The following LENG8 variants were observed in gnomAD, a reference collection of about 807,000 sequenced individuals.
The protein encoded by LENG8 is leukocyte receptor cluster (LRC) member 8.
A neutral mutation model predicts 102.1 loss-of-function variants in LENG8; 28 were observed. The ratio of observed to expected loss-of-function variants is 0.27; its 90% CI spans 0.20 to 0.38. The LOEUF is 0.38. Ranked by LOEUF, LENG8 falls within the 10% of genes least tolerant of loss-of-function variation. The probability of loss-of-function intolerance (pLI) is 1.00; values close to 1 mark genes in which losing one functional copy is unlikely to be tolerated. For missense variants in LENG8, 1,022 were observed against 1,113.9 expected (o/e 0.92, Z 1.17); for synonymous variants, 531 against 456.7 (o/e 1.16, Z -2.07).
rs1305662189 is a variant in LENG8 at position 54,461,121 on chromosome 19, C to T, written c.*193C>T. The T allele has an allele frequency of 5.8e-5, 52 of 893,880 alleles. No homozygotes were observed. Among genetic ancestry groups the T allele is most frequent in the Non-Finnish European group, 2.8e-5 (16 of 569,750 alleles). 55.4% of individuals were successfully genotyped at this position (893,880 alleles called of 1,614,324 possible). On this transcript the variant is annotated 3_prime_UTR_variant, in exon 16 of 16. Transcript: ENST00000326764. ...ATTTTTCTACGTTTTTATTTTTTGC[C>T]TCAGAGGGATGGGATTGGGGAGGAG...
At chr19:54,450,388 C>A (rs112960763) in intron 1 of LENG8, among the ~76,000 whole-genome samples, 114 of 152,298 alleles carry the variant, frequency 7.5e-4, no homozygotes, top group African/African-American at 2.5e-3. Flanking sequence ...GAACGCTCAA[C>A]GACCACTTGC....
At position 54,450,448 on chromosome 19, in the gene LENG8, C is replaced by G. The variant is rs895533264; in HGVS notation, c.-55-842C>G. On this transcript the variant is annotated intron_variant, in intron 1 of 15. Coordinates refer to ENST00000326764, the MANE Select transcript of LENG8 (RefSeq NM_052925.4). ...CCCCTTTTCCTCTCAAAATTTTCTT[C>G]TCTTCTCCAATATTCTTCCAGCCCC... is the stretch of plus-strand genomic sequence containing the variant. 4.6e-5 allele frequency among the ~76,000 whole-genome samples: 7 copies of G among 152,214 alleles called. No homozygotes were observed. The South Asian group carries it at 1.5e-3, about 32-fold the overall frequency.
chr19:54,456,562 C>A, intron 10 of LENG8, 74 bp from the exon 11 acceptor site: 1 of 1,539,872 alleles, frequency 6.5e-7, no homozygotes, highest in South Asian at 1.2e-5. Context: ...GGTGGACAGC[C>A]AGCTGCCAAA....
Position 54,456,177 on chromosome 19 carries a change from CTCT to C in LENG8, c.1242_1244del (p.Ser416del), listed in dbSNP as rs761443744. 1.9e-5 allele frequency: 30 copies of C among 1,611,236 alleles called. No homozygotes were observed. Among genetic ancestry groups the C allele is most frequent in the Non-Finnish European group, 2.4e-5 (28 of 1,178,238 alleles). The stretch of plus-strand genomic sequence containing the variant: ...GCAACGTCTTCATGAAGGACAACAG[CTCT>C]TCTTCCAGCACAGACTCCCGCTCCC... On this transcript the variant is annotated inframe_deletion, in exon 9 of 16. Transcript: ENST00000326764.
At chr19:54,455,139 A>G in intron 7 of LENG8, 47 bp downstream of exon 7, 3 of 1,611,556 alleles carry the variant, frequency 1.9e-6, no homozygotes. Context: ...CTCTGCACTC[A>G]GCGTCTATGG....
Position 54,456,802 on chromosome 19 carries a change from A to G in LENG8, c.1612A>G (p.Ser538Gly). Residue 538 changes from serine to glycine, a missense_variant, in exon 11 of 16, where the codon AGC (serine) becomes GGC (glycine). Ser to Gly is a moderately conservative substitution (Grantham distance 56). Coordinates refer to ENST00000326764, the MANE Select transcript of LENG8 (RefSeq NM_052925.4). ...PLVLQMSSLESSGADPDWQEL... is the reference protein window; with the variant it reads ...PLVLQMSSLEGSGADPDWQEL... ...GGTGCTGCAGATGAGCAGCCTGGAG[A>G]GCAGTGGGGCTGACCCTGACTGGCA... The G allele has an allele frequency of 6.2e-7, 1 of 1,611,482 alleles. No homozygotes were observed.
intron 1 of LENG8, 80 bp from the exon 2 acceptor site, chr19:54,451,210 T>C (rs577245298): frequency 1.2e-5 from 11 of 897,744 alleles, no homozygotes; most frequent in African/African-American, 1.1e-4. Flanking sequence ...TTCTCTTGAG[T>C]CCATCTACTT....
chr19:54,461,509 G>A lies in LENG8; in HGVS notation c.*581G>A. On this transcript the variant is annotated 3_prime_UTR_variant, in exon 16 of 16. Transcript: ENST00000326764. ...TGAAGTGCCAGCACCACCAGCACCA[G>A]ATCCTCCGCCGCCACACCGCACTGA... is the stretch of plus-strand genomic sequence containing the variant. 1 of 469,790 alleles carries A rather than the reference G, an allele frequency of 2.1e-6. No individual in the cohort carries two copies. The highest frequency in any genetic ancestry group is 4.4e-6 in the Non-Finnish European group (1 of 227,146). The allele number at this position is 469,790 out of a possible 1,614,324, so 29.1% of individuals were successfully genotyped here.
intron 1 of LENG8, among the ~76,000 whole-genome samples, chr19:54,450,463 C>T (rs1421818711): frequency 6.6e-6 from 1 of 152,116 alleles, no homozygotes; most frequent in Non-Finnish European, 1.5e-5. Flanking sequence ...CTCCAATATT[C>T]TTCCAGCCCC....
intron 1 of LENG8, among the ~76,000 whole-genome samples, chr19:54,450,867 G>A (rs1349772534): frequency 6.6e-6 from 1 of 152,096 alleles, no homozygotes; most frequent in Non-Finnish European, 1.5e-5. Flanking sequence ...TGACCTGCCC[G>A]CCTTGGCCTC....
At chr19:54,460,655 T>C in intron 15 of LENG8, 111 bp from the exon 16 acceptor site, 7 of 1,441,016 alleles carry the variant, frequency 4.9e-6, no homozygotes, top group East Asian at 2.5e-5. Flanking sequence ...CAGCAGGCAC[T>C]GTGCTGAGGA....
intron 13 of LENG8, 22 bp downstream of exon 13, chr19:54,458,024 T>G: frequency 1.2e-6 from 2 of 1,613,048 alleles, no homozygotes. Context: ...TCTGCGGGCC[T>G]CCCCAGCCCC....
intron 10 of LENG8, 81 bp from the exon 11 acceptor site, chr19:54,456,555 G>A: frequency 2.0e-6 from 3 of 1,538,044 alleles, no homozygotes; most frequent in Non-Finnish European, 2.6e-6. Flanking sequence ...CCGGACAGGT[G>A]GACAGCCAGC....
intron 2 of LENG8, 96 bp downstream of exon 2, chr19:54,451,478 G>GATTGTGGCATCACCTCCCCTAA: frequency 7.9e-7 from 1 of 1,265,734 alleles, no homozygotes; most frequent in Non-Finnish European, 1.2e-6. Flanking sequence ...TGGCCTTAGG[G>GATTGTGGCATCACCTCCCCTAA]GAGGTGATGC....
At position 54,454,654 on chromosome 19, in the gene LENG8, G is replaced by T. The variant is rs756774319; in HGVS notation, c.651G>T (p.Lys217Asn). The part of the protein sequence containing the change: ...HTYTEPAKPK[K>N]GQQLWNRMKP... ...ACACCGAACCTGCCAAGCCCAAGAA[G>T]GGCCAACAGCTGTGGAACCGCATGA... The change falls in exon 6 of 16, where the codon AAG becomes AAT. Residue 217 changes from lysine (K) to asparagine (N), a missense_variant. Coordinates refer to ENST00000326764, the MANE Select transcript of LENG8 (RefSeq NM_052925.4). The T allele has an allele frequency of 6.2e-7, 1 of 1,604,832 alleles. No individual in the cohort carries two copies. Among genetic ancestry groups the T allele is most frequent in the South Asian group, 1.1e-5 (1 of 90,818 alleles).
Position 54,454,551 on chromosome 19 carries a change from C to G in LENG8, c.548C>G (p.Pro183Arg), listed in dbSNP as rs143651422. Residue 183 changes from proline to arginine, a missense_variant, in exon 6 of 16, where the codon CCT (proline) becomes CGT (arginine). By Grantham distance (103) the Pro-to-Arg change is moderately radical. Coordinates refer to ENST00000326764, the MANE Select transcript of LENG8 (RefSeq NM_052925.4). ...PHGAHTLNSGPQPGTAPATQH... is the reference protein window; with the variant it reads ...PHGAHTLNSGRQPGTAPATQH... ...GGGGCTCACACGCTGAACAGTGGCC[C>G]TCAGCCTGGGACAGCTCCAGCCACA... The G allele has an allele frequency of 6.2e-7, 1 of 1,613,092 alleles. No individual in the cohort carries two copies. Among genetic ancestry groups the G allele is most frequent in the Non-Finnish European group, 8.5e-7 (1 of 1,179,802 alleles).
At chr19:54,458,980 C>T (rs2084398242) in intron 15 of LENG8, 13 of 1,461,784 alleles carry the variant, frequency 8.9e-6, no homozygotes, top group Middle Eastern at 1.8e-4. Flanking sequence ...GCACCAGAAA[C>T]GCTTAGGGAG....
At position 54,452,195 on chromosome 19, in the gene LENG8, C is replaced by T. The variant is rs1464177207; in HGVS notation, c.141C>T (p.Ala47=). 1 of 1,614,072 alleles carries T rather than the reference C, an allele frequency of 6.2e-7. No homozygotes were observed. The highest frequency in any genetic ancestry group is 2.2e-5 in the East Asian group (1 of 44,886). ...PEWEKARQAL[A]SISKSGAAGG... The stretch of plus-strand genomic sequence containing the variant: ...GGGAGAAGGCCCGTCAGGCCCTGGC[C>T]AGCATCAGCAAGTCAGGAGCTGCCG... The change falls in exon 3 of 16, where the codon GCC becomes GCT. Residue 47 remains alanine (A), a synonymous_variant. Transcript: ENST00000326764.
At position 54,458,196 on chromosome 19, in the gene LENG8, C is replaced by T. The variant is rs1478182705; in HGVS notation, c.1996C>T (p.Arg666Ter). 1.2e-6 allele frequency: 2 copies of T among 1,614,216 alleles called. No homozygotes were observed. Among genetic ancestry groups the T allele is most frequent in the Non-Finnish European group, 1.7e-6 (2 of 1,180,036 alleles). ...PGNVGEFTAY[R>*]ILYYIFTKNS... Reference sequence around the variant, plus strand: ...CAATGTGGGCGAGTTTACTGCCTACCGAATCCTCTACTACATCTTCACCAA... The same window carrying T: ...CAATGTGGGCGAGTTTACTGCCTACTGAATCCTCTACTACATCTTCACCAA... Residue 666 changes from arginine (R) to a stop codon, truncating the protein, a stop_gained, in exon 14 of 16, where the codon CGA (arginine) becomes TGA (stop). Transcript: ENST00000326764. LOFTEE classifies it high-confidence loss of function.
Sources: gnomAD v4.1 joint callset for allele counts (sites outside exome capture counted in the v4.1 genomes callset) on GRCh38, gnomAD v4.1.1 for gene constraint, MANE v1.5 for transcripts, NCBI Gene and HGNC (gene_info 2026-07-23, HGNC 2026-07-21) for gene names.